The following AVIL variants were observed in gnomAD, a reference collection of about 807,000 sequenced individuals.
The protein encoded by AVIL is advillin.
In AVIL, 78 loss-of-function variants were observed where a neutral mutation model predicts 109.9. That is an observed-to-expected ratio of 0.71 (90% confidence interval 0.59 to 0.86). The LOEUF is 0.86. AVIL is among the 40% of genes least tolerant of loss of function. The pLI is 0.00. For missense variants in AVIL, 892 were observed against 1,016.5 expected (o/e 0.88, Z 1.67); for synonymous variants, 367 against 379.1 (o/e 0.97, Z 0.37).
At chr12:57,808,112 G>T in intron 11 of AVIL, 82 bp downstream of exon 11, 1 of 1,477,136 alleles carries the variant, frequency 6.8e-7, no homozygotes, top group Non-Finnish European at 9.5e-7. Context: ...AGCAGACACA[G>T]AATCACCTGC....
chr12:57,803,189 A>C (rs571352892), intron 16 of AVIL, 58 bp downstream of exon 16: 1 of 1,607,536 alleles, frequency 6.2e-7, no homozygotes, highest in South Asian at 1.1e-5. Flanking sequence ...TACTACACAA[A>C]AACAACCCTT....
intron 14 of AVIL, among the ~76,000 whole-genome samples, chr12:57,805,023 CTT>C (rs1175354763): frequency 1.3e-5 from 2 of 152,078 alleles, no homozygotes; most frequent in Non-Finnish European, 2.9e-5. Context: ...TGTTAAGCAT[CTT>C]TTCCTGTTCT....
At chr12:57,811,663 C>G (rs368454247) in intron 4 of AVIL, among the ~76,000 whole-genome samples, 16 of 152,374 alleles carry the variant, frequency 1.1e-4, no homozygotes, top group South Asian at 6.2e-4. Flanking sequence ...CAGAGGGGCT[C>G]TGTCCTTGGG....
At chr12:57,801,424 T>G (rs1955845920) in intron 17 of AVIL, 2 of 420,038 alleles carry the variant, frequency 4.8e-6, no homozygotes, top group Admixed American at 8.0e-5. Flanking sequence ...AACCCCTCAG[T>G]CCTCCCAATA....
In AVIL at chr12:57,808,198, A is replaced by G. The variant is rs1955980986; in HGVS notation, c.1190T>C (p.Val397Ala). Residue 397 changes from valine to alanine, a missense_variant, in exon 11 of 20, where the codon GTT becomes GCT. Transcript: ENST00000549994. The stretch of plus-strand genomic sequence containing the variant: ...CATTTGAATCATTGGGCTTACCTCA[A>G]CTTTTCCGTTGCCATCATCGACCAT... Reference protein sequence around the residue: ...ERMVDDGNGKVEVWRIENLEL... With the variant: ...ERMVDDGNGKAEVWRIENLEL... 2 of 1,613,984 alleles carry G rather than the reference A, an allele frequency of 1.2e-6. No homozygotes were observed. Among genetic ancestry groups the G allele is most frequent in the Non-Finnish European group, 1.7e-6 (2 of 1,179,980 alleles).
rs768595460 is a variant in AVIL, at chr12:57,811,129, T to C, written c.339-2A>G. On this transcript the variant is annotated splice_acceptor_variant, in intron 4 of 19. Coordinates refer to ENST00000549994, the MANE Select transcript of AVIL (RefSeq NM_006576.4). LOFTEE classifies it high-confidence loss of function. The stretch of plus-strand genomic sequence containing the variant: ...GAGGCGACACCCCCCTGCTTGTAGC[T>C]AAGGGAACATCCATTCAGTTATTTG... 6.8e-6 allele frequency: 11 copies of C among 1,613,862 alleles called. No individual in the cohort carries two copies. The highest frequency in any genetic ancestry group is 6.7e-5 in the East Asian group (3 of 44,880).
Position 57,806,449 on chromosome 12 carries a change from C to T in AVIL, c.1582G>A (p.Val528Met), listed in dbSNP as rs745526301. ...GAGGAGGCAAAGGCTGGAACTTCCA[C>T]TGCTTTGGTGTTAGATTTGTCATTT... ...HGNDKSNTKA[V>M]EVPAFASSLN... is the part of the protein sequence containing the mutation. The change falls in exon 14 of 20, where the codon GTG becomes ATG. Residue 528 changes from valine (V) to methionine (M), a missense_variant. Val to Met is a conservative substitution (Grantham distance 21). Transcript: ENST00000549994. 8.7e-6 allele frequency: 14 copies of T among 1,614,136 alleles called. No homozygotes were observed. The highest frequency in any genetic ancestry group is 1.6e-4 in the Middle Eastern group (1 of 6,062).
Position 57,797,629 on chromosome 12 carries a change from T to G in AVIL, c.*253A>C. ...TTTGATTTCTCCAGATTTATGCAGT[T>G]TTAGTGCTTTCTGCTGAGGCTTTAG... On this transcript the variant is annotated 3_prime_UTR_variant, in exon 20 of 20. Transcript: ENST00000549994. 12 of 891,608 alleles carry G rather than the reference T, an allele frequency of 1.3e-5. No individual in the cohort carries two copies. The highest frequency in any genetic ancestry group is 1.5e-5 in the Non-Finnish European group (11 of 727,142). 55.2% of individuals were successfully genotyped at this position (891,608 alleles called of 1,614,324 possible). A position where few individuals can be genotyped will look rare whatever the true frequency, so the allele number is the denominator to read the frequency against.
intron 13 of AVIL, 42 bp from the exon 14 acceptor site, chr12:57,806,581 T>C (rs1474995614): frequency 5.0e-6 from 8 of 1,606,462 alleles, no homozygotes; most frequent in South Asian, 1.1e-5. Flanking sequence ...AGGAGCACCA[T>C]GTGAGCAGAG....
intron 11 of AVIL, 76 bp downstream of exon 11, chr12:57,808,118 C>T (rs917403746): frequency 4.0e-6 from 6 of 1,507,546 alleles, no homozygotes; most frequent in South Asian, 1.1e-5. Flanking sequence ...CACAGAATCA[C>T]CTGCACCCCT....
intron 1 of AVIL, among the ~76,000 whole-genome samples, chr12:57,817,296 G>C (rs765436880): frequency 4.6e-5 from 7 of 151,352 alleles, no homozygotes; most frequent in Non-Finnish European, 1.0e-4. Flanking sequence ...TGTTTGTTAA[G>C]AGGAACATGT....
chr12:57,814,800 G>A (rs1338139648), intron 2 of AVIL: 1 of 153,548 alleles, frequency 6.5e-6, no homozygotes, highest in African/African-American at 2.4e-5. Context: ...CTTGGCCCTG[G>A]AGGACTGTTC....
At position 57,811,006 on chromosome 12, in the gene AVIL, G is replaced by T. The variant is rs1173489852; in HGVS notation, c.447+13C>A. The T allele has an allele frequency of 6.2e-7, 1 of 1,614,102 alleles. No individual in the cohort carries two copies. Among genetic ancestry groups the T allele is most frequent in the Non-Finnish European group, 8.5e-7 (1 of 1,179,928 alleles). On this transcript the variant is annotated intron_variant, in intron 5 of 19. Coordinates refer to ENST00000549994, the MANE Select transcript of AVIL (RefSeq NM_006576.4). ...AAGCCCCGGGCCTGGGGCAGAGAGT[G>T]TGCAGGACTAACCTCGGTAGCCCTG... is the stretch of plus-strand genomic sequence containing the variant.
chr12:57,811,162 G>A (rs1298685898), intron 4 of AVIL, 35 bp from the exon 5 acceptor site: 2 of 1,597,084 alleles, frequency 1.3e-6, no homozygotes, highest in African/African-American at 1.3e-5. Context: ...TTGAGTGCCT[G>A]CTATGTGCTA....
chr12:57,810,823 C>A lies in AVIL; in HGVS notation c.551G>T (p.Arg184Leu). The A allele has an allele frequency of 1.2e-6, 2 of 1,614,070 alleles. No homozygotes were observed. The highest frequency in any genetic ancestry group is 4.5e-5 in the East Asian group (2 of 44,884). Residue 184 changes from arginine (R) to leucine (L), a missense_variant, in exon 6 of 20, where the codon CGC becomes CTC. Coordinates refer to ENST00000549994, the MANE Select transcript of AVIL (RefSeq NM_006576.4). ...WNGPESNSGE[R>L]LKAMLLAKDI... ...AAGGCTAGGAAGCCATACCTTCAGG[C>A]GCTCCCCACTGTTGCTCTCTGGGCC...
intron 1 of AVIL, 137 bp from the exon 2 acceptor site, chr12:57,816,196 C>T (rs1956099639): frequency 1.5e-6 from 1 of 678,786 alleles, no homozygotes; most frequent in South Asian, 2.0e-5. Context: ...TGCACCATTT[C>T]ACAATGATGG....
At chr12:57,810,712 AT>A in intron 6 of AVIL, 103 bp downstream of exon 6, 1 of 1,427,816 alleles carries the variant, frequency 7.0e-7, no homozygotes, top group Middle Eastern at 1.8e-4. Context: ...TCCAAGACAG[AT>A]TCTACTCAAA....
At chr12:57,802,849 C>G in intron 16 of AVIL, 1 of 558,726 alleles carries the variant, frequency 1.8e-6, no homozygotes, top group Non-Finnish European at 3.1e-6. Context: ...TCCATCCCTA[C>G]TCCACTGCCC....
intron 14 of AVIL, chr12:57,804,164 C>T (rs1955905029): frequency 6.5e-6 from 1 of 153,898 alleles, no homozygotes; most frequent in African/African-American, 2.4e-5. Context: ...CCTCTGGTAA[C>T]CATGAATCTA....
Sources: allele counts gnomAD v4.1 joint callset (sites outside exome capture counted in the v4.1 genomes callset), GRCh38; gene constraint gnomAD v4.1.1; transcripts MANE v1.5; gene names NCBI Gene and HGNC (gene_info 2026-07-23, HGNC 2026-07-21).